The following MTDH variants were observed in gnomAD, a reference collection of about 807,000 sequenced individuals.
MTDH encodes protein LYRIC.
In MTDH, 34 loss-of-function variants were observed where a neutral mutation model predicts 72.7. The ratio of observed to expected loss-of-function variants is 0.47; its 90% CI spans 0.36 to 0.62. MTDH has a LOEUF of 0.62. MTDH is among the 20% of genes least tolerant of loss of function. The probability of loss-of-function intolerance (pLI) is 0.00; values close to 1 mark genes in which losing one functional copy is unlikely to be tolerated. For synonymous variants in MTDH, 266 were observed against 268.9 expected (o/e 0.99, Z 0.10); for missense variants, 677 against 699.4 (o/e 0.97, Z 0.36).
chr8:97,716,882 A>G (rs1156849213), intron 9 of MTDH, among the ~76,000 whole-genome samples: 6 of 151,822 alleles, frequency 4.0e-5, no homozygotes, highest in Non-Finnish European at 7.4e-5. Flanking sequence ...GAGTTTCCCT[A>G]TGTTACCCAG....
chr8:97,658,679 T>C (rs924767196), intron 1 of MTDH, among the ~76,000 whole-genome samples: 20 of 152,260 alleles, frequency 1.3e-4, no homozygotes, highest in East Asian at 1.2e-3. Context: ...TTAGCAGATA[T>C]AAGTTTTGTG....
chr8:97,714,494 CTGGGG>C (rs1814770696), intron 9 of MTDH, among the ~76,000 whole-genome samples: 1 of 151,686 alleles, frequency 6.6e-6, no homozygotes, highest in Non-Finnish European at 1.5e-5. Context: ...GCCCCAGCTA[CTGGGG>C]AAGCTGAGGT....
chr8:97,724,778 C>A lies in MTDH; in HGVS notation c.*108C>A. The A allele has an allele frequency of 4.9e-6, 4 of 815,720 alleles. No individual in the cohort carries two copies. The highest frequency in any genetic ancestry group is 7.2e-6 in the Non-Finnish European group (4 of 554,750). 50.5% of individuals were successfully genotyped at this position (815,720 alleles called of 1,614,324 possible). On this transcript the variant is annotated 3_prime_UTR_variant, in exon 12 of 12. Transcript: ENST00000336273. ...TACAGAGTTTTATATAAATTTAAACCAATTTTTAAAACAAAACTGCGGACA... is the reference window on the plus strand; with the variant it reads ...TACAGAGTTTTATATAAATTTAAACAAATTTTTAAAACAAAACTGCGGACA...
At chr8:97,683,877 C>T (rs1418831111) in intron 2 of MTDH, among the ~76,000 whole-genome samples, 5 of 151,978 alleles carry the variant, frequency 3.3e-5, no homozygotes, top group Admixed American at 2.0e-4. Context: ...TTTGGGAGGC[C>T]GAGGCGGGTG....
At chr8:97,691,344 G>A (rs1483898067) in intron 6 of MTDH, among the ~76,000 whole-genome samples, 156 bp downstream of exon 6, 1 of 152,122 alleles carries the variant, frequency 6.6e-6, no homozygotes, top group Non-Finnish European at 1.5e-5. Context: ...CCTTTTTGTA[G>A]AGCAAGGTGG....
At chr8:97,653,423 G>A (rs566621426) in intron 1 of MTDH, among the ~76,000 whole-genome samples, 1 of 152,298 alleles carries the variant, frequency 6.6e-6, no homozygotes, top group African/African-American at 2.4e-5. Context: ...AAAATTTCGA[G>A]TCAGAAGTTT....
chr8:97,702,370 G>T (rs112656981), intron 7 of MTDH, among the ~76,000 whole-genome samples: 48 of 152,274 alleles, frequency 3.2e-4, no homozygotes, highest in African/African-American at 1.1e-3. Flanking sequence ...TTGCCCATAT[G>T]CAGGTTACAT....
chr8:97,674,203 A>G (rs971245058), intron 2 of MTDH, among the ~76,000 whole-genome samples: 4 of 152,204 alleles, frequency 2.6e-5, no homozygotes, highest in Non-Finnish European at 5.9e-5. Context: ...GGAGATAGAG[A>G]TAAAGTGCAG....
rs1002647021 is a variant in MTDH at position 97,726,890 on chromosome 8, G to A, written c.*2220G>A. 1 of 150,672 alleles carries A rather than the reference G, an allele frequency of 6.6e-6. No individual in the cohort carries two copies. 9.3% of individuals were successfully genotyped at this position (150,672 alleles called of 1,614,324 possible). On this transcript the variant is annotated 3_prime_UTR_variant, in exon 12 of 12. Coordinates refer to ENST00000336273, the MANE Select transcript of MTDH (RefSeq NM_178812.4). ...GAGTTCAAGACCAGCCTGGCCAAGAGGGTGAAACCCCATCTTTACTAAAAA... is the reference window on the plus strand; with the variant it reads ...GAGTTCAAGACCAGCCTGGCCAAGAAGGTGAAACCCCATCTTTACTAAAAA...
chr8:97,671,487 G>A (rs750979180), intron 2 of MTDH, among the ~76,000 whole-genome samples: 1 of 151,732 alleles, frequency 6.6e-6, no homozygotes, highest in East Asian at 1.9e-4. Flanking sequence ...ATTATATAAC[G>A]TATAATTTAT....
rs532431563 is a variant in MTDH, at chr8:97,715,457, A to G, written c.1380+1688A>G. 2.4e-3 allele frequency among the ~76,000 whole-genome samples: 361 copies of G among 152,318 alleles called. 16 individuals carry two copies. In the South Asian group the frequency reaches 0.073, roughly 31 times the overall value. On this transcript the variant is annotated intron_variant, in intron 9 of 11. Coordinates refer to ENST00000336273, the MANE Select transcript of MTDH (RefSeq NM_178812.4). ...TACTGTTTTTGAAAGAAGTTTCTAC[A>G]TGGCTTTTTAAGGAAATATGTATTC... is the stretch of plus-strand genomic sequence containing the variant.
intron 2 of MTDH, among the ~76,000 whole-genome samples, chr8:97,681,555 G>A (rs1340863429): frequency 4.2e-5 from 6 of 142,740 alleles, no homozygotes; most frequent in African/African-American, 1.3e-4. Flanking sequence ...GTGCAATGGT[G>A]TGATCTCAGC....
chr8:97,713,916 A>G (rs1814740201), intron 9 of MTDH, 147 bp downstream of exon 9: 1 of 431,448 alleles, frequency 2.3e-6, no homozygotes, highest in Admixed American at 4.2e-5. Context: ...TACATATTCA[A>G]TACATTATAT....
rs1815480119 is a variant in MTDH, at chr8:97,729,523, C to G, written c.*4853C>G. 6.6e-6 allele frequency among the ~76,000 whole-genome samples: 1 copy of G among 152,186 alleles called. No homozygotes were observed. Among genetic ancestry groups the G allele is most frequent in the Non-Finnish European group, 1.5e-5 (1 of 68,042 alleles). ...CTCTAACAGTGTCTGTCAGAGTTGA[C>G]ATACATTGTGTATCTCCTGCACCAA... On this transcript the variant is annotated 3_prime_UTR_variant, in exon 12 of 12. Transcript: ENST00000336273.
At chr8:97,691,308 A>G (rs1392311452) in intron 6 of MTDH, 120 bp downstream of exon 6, 1 of 668,992 alleles carries the variant, frequency 1.5e-6, no homozygotes, top group Non-Finnish European at 2.4e-6. Flanking sequence ...TGCAGAAATA[A>G]TAGTAATAAT....
intron 2 of MTDH, among the ~76,000 whole-genome samples, chr8:97,671,610 C>A (rs775958583): frequency 2.0e-5 from 3 of 151,958 alleles, no homozygotes; most frequent in Admixed American, 1.3e-4. Context: ...ACCTGTAATC[C>A]CAGCACTTTA....
At chr8:97,654,699 T>G (rs2130919713) in intron 1 of MTDH, among the ~76,000 whole-genome samples, 1 of 152,234 alleles carries the variant, frequency 6.6e-6, no homozygotes, top group Admixed American at 6.5e-5. Flanking sequence ...CATTAGGTAT[T>G]TGTCTTAATG....
intron 1 of MTDH, among the ~76,000 whole-genome samples, chr8:97,651,654 T>C (rs1811777508): frequency 6.6e-6 from 1 of 152,168 alleles, no homozygotes; most frequent in South Asian, 2.1e-4. Context: ...AAAAGATAAA[T>C]TCACCAATAC....
chr8:97,662,783 CA>C (rs575550309), intron 2 of MTDH, among the ~76,000 whole-genome samples: 86 of 134,454 alleles, frequency 6.4e-4, no homozygotes, highest in Non-Finnish European at 6.4e-4. Context: ...GAGACTCTGT[CA>C]AAAAAAAAAA....
Sources: gnomAD v4.1 joint callset for allele counts (sites outside exome capture counted in the v4.1 genomes callset) on GRCh38, gnomAD v4.1.1 for gene constraint, MANE v1.5 for transcripts, NCBI Gene and HGNC (gene_info 2026-07-23, HGNC 2026-07-21) for gene names.